The following KLHL1 variants were observed in gnomAD, a reference collection of about 807,000 sequenced individuals.
KLHL1 encodes the protein kelch-like protein 1.
In KLHL1, 47 loss-of-function variants were observed where a neutral mutation model predicts 77.7. That is an observed-to-expected ratio of 0.60 (90% CI 0.48 to 0.77). The LOEUF (loss-of-function observed/expected upper bound fraction) is 0.77, where lower values mean the gene tolerates loss of function less well. KLHL1 is among the 30% of genes least tolerant of loss of function. KLHL1 has a pLI of 0.00. For synonymous variants in KLHL1, 360 were observed against 325.2 expected (o/e 1.11, Z -1.15); for missense variants, 925 against 910.8 (o/e 1.02, Z -0.20).
At chr13:69,863,920 T>C (rs1363222319) in intron 5 of KLHL1, among the ~76,000 whole-genome samples, 3 of 152,046 alleles carry the variant, frequency 2.0e-5, no homozygotes, top group African/African-American at 4.8e-5. Flanking sequence ...AATTGTTTTA[T>C]GTATTGTACA....
chr13:70,050,801 CAT>C (rs1383444159), intron 1 of KLHL1, among the ~76,000 whole-genome samples: 1 of 151,820 alleles, frequency 6.6e-6, no homozygotes, highest in Admixed American at 6.6e-5. Flanking sequence ...TATTATTTGT[CAT>C]ATAATTGTTA....
intron 1 of KLHL1, among the ~76,000 whole-genome samples, chr13:69,992,366 GAACT>G (rs1417240295): frequency 6.6e-6 from 1 of 151,858 alleles, no homozygotes; most frequent in Non-Finnish European, 1.5e-5. Context: ...ATGACCAAAA[GAACT>G]AACTGATAAG....
At chr13:70,062,961 A>G (rs1383901973) in intron 1 of KLHL1, among the ~76,000 whole-genome samples, 1 of 152,100 alleles carries the variant, frequency 6.6e-6, no homozygotes, top group African/African-American at 2.4e-5. Flanking sequence ...CTTAATTAAG[A>G]ATTTTATTTT....
chr13:69,927,046 G>T (rs1049029345), intron 4 of KLHL1, among the ~76,000 whole-genome samples: 4 of 151,202 alleles, frequency 2.6e-5, no homozygotes, highest in Non-Finnish European at 5.9e-5. Flanking sequence ...TGCGGTACTG[G>T]CATAAAGACA....
In KLHL1 at chr13:69,740,374, TAAG is replaced by T. The variant is rs775851725; in HGVS notation, c.1802+17_1802+19del. 2 of 1,515,620 alleles carry T rather than the reference TAAG, an allele frequency of 1.3e-6. No homozygotes were observed. Among genetic ancestry groups the T allele is most frequent in the Admixed American group, 2.0e-5 (1 of 50,536 alleles). 93.9% of individuals were successfully genotyped at this position (1,515,620 alleles called of 1,614,324 possible). A position where few individuals can be genotyped will look rare whatever the true frequency, so the allele number is the denominator to read the frequency against. ...TAACTTTTTTTCTAAGATTAAAAAA[TAAG>T]AAAAAAATTTACTTACTTGCCATTC... is the stretch of plus-strand genomic sequence containing the variant. On this transcript the variant is annotated intron_variant, in intron 8 of 10. Coordinates refer to ENST00000377844, the MANE Select transcript of KLHL1 (RefSeq NM_020866.3).
intron 7 of KLHL1, among the ~76,000 whole-genome samples, chr13:69,748,722 T>A (rs955279633): frequency 9.9e-5 from 15 of 151,940 alleles, no homozygotes; most frequent in African/African-American, 3.6e-4. Context: ...CAGATAACAG[T>A]GCTCGGCAAA....
At chr13:69,836,702 C>T (rs773757641) in intron 6 of KLHL1, among the ~76,000 whole-genome samples, 2 of 151,996 alleles carry the variant, frequency 1.3e-5, no homozygotes, top group African/African-American at 2.4e-5. Flanking sequence ...CAATATCCAT[C>T]ATTCCTTCAA....
intron 7 of KLHL1, among the ~76,000 whole-genome samples, chr13:69,770,658 A>C (rs1875520144): frequency 6.6e-6 from 1 of 152,168 alleles, no homozygotes; most frequent in African/African-American, 2.4e-5. Context: ...TCTATTGTGG[A>C]AATGAACTGA....
intron 1 of KLHL1, among the ~76,000 whole-genome samples, chr13:70,085,868 C>A (rs1887522747): frequency 6.6e-6 from 1 of 152,030 alleles, no homozygotes. Context: ...GTCTCAAAAA[C>A]CACAAACAAA....
intron 5 of KLHL1, among the ~76,000 whole-genome samples, chr13:69,878,711 TAGAGAGAG>T (rs988830315): frequency 3.1e-4 from 44 of 143,598 alleles, no homozygotes; most frequent in South Asian, 1.5e-3. Flanking sequence ...TATATATATA[TAGAGAGAG>T]AGAGAGAGAG....
intron 1 of KLHL1, among the ~76,000 whole-genome samples, chr13:70,094,819 T>C (rs9634967): frequency 0.15 from 23,371 of 152,046 alleles, 2,807 homozygotes; most frequent in African/African-American, 0.33. Context: ...TTTTTCTAAC[T>C]ACCTGTGTTT....
Position 69,911,266 on chromosome 13 carries a change from T to G in KLHL1, c.1015-28771A>C, listed in dbSNP as rs147873018. Among the ~76,000 whole-genome samples, 1,001 of 152,210 alleles carry G rather than the reference T, an allele frequency of 6.6e-3. 11 individuals are homozygous for G. The highest frequency in any genetic ancestry group is 0.023 in the African/African-American group (966 of 41,570). On this transcript the variant is annotated intron_variant, in intron 4 of 10. Coordinates refer to ENST00000377844, the MANE Select transcript of KLHL1 (RefSeq NM_020866.3). ...TACTATTTGAATATAATTTTTAGTA[T>G]GTCTAGTTAAACAGTAATTTCTGCA...
chr13:69,914,301 T>A (rs1882345333), intron 4 of KLHL1, among the ~76,000 whole-genome samples: 1 of 152,200 alleles, frequency 6.6e-6, no homozygotes, highest in Non-Finnish European at 1.5e-5. Context: ...GGAGTTTTAC[T>A]CAACAATAAA....
In KLHL1 at chr13:70,005,504, G is replaced by A. The variant is rs1885384394; in HGVS notation, c.498-29702C>T. ...TTTTTTAGCTCATCAGCTATAATTA[G>A]TGTTTGTGTATTTTATGAGCGGCTC... On this transcript the variant is annotated intron_variant, in intron 1 of 10. Transcript: ENST00000377844. 3.3e-5 allele frequency among the ~76,000 whole-genome samples: 5 copies of A among 151,640 alleles called. No homozygotes were observed. The Admixed American group carries it at 3.3e-4, about 10-fold the overall frequency.
At chr13:70,013,896 C>T (rs1017521807) in intron 1 of KLHL1, among the ~76,000 whole-genome samples, 1 of 152,076 alleles carries the variant, frequency 6.6e-6, no homozygotes, top group African/African-American at 2.4e-5. Flanking sequence ...AGACTCAAAG[C>T]AGTGATTTCT....
At chr13:69,754,802 C>T (rs1232517106) in intron 7 of KLHL1, among the ~76,000 whole-genome samples, 1 of 152,052 alleles carries the variant, frequency 6.6e-6, no homozygotes, top group South Asian at 2.1e-4. Flanking sequence ...TTTCTAAATC[C>T]TTTATCATTT....
chr13:69,990,094 G>C (rs917650948), intron 1 of KLHL1, among the ~76,000 whole-genome samples: 1 of 151,852 alleles, frequency 6.6e-6, no homozygotes, highest in Non-Finnish European at 1.5e-5. Context: ...ATAAGCAAAG[G>C]ATAAATAAGA....
chr13:69,959,306 T>A (rs142139376), intron 3 of KLHL1, among the ~76,000 whole-genome samples: 1 of 152,112 alleles, frequency 6.6e-6, no homozygotes, highest in African/African-American at 2.4e-5. Flanking sequence ...GGTTGTTAGA[T>A]CTCTGTCTTT....
chr13:70,027,724 T>C (rs1206913949), intron 1 of KLHL1, among the ~76,000 whole-genome samples: 3 of 150,982 alleles, frequency 2.0e-5, no homozygotes, highest in African/African-American at 4.9e-5. Flanking sequence ...TTTATGCAGC[T>C]TGCATCCCGT....
Sources: gnomAD v4.1 joint callset for allele counts (sites outside exome capture counted in the v4.1 genomes callset) on GRCh38, gnomAD v4.1.1 for gene constraint, MANE v1.5 for transcripts, NCBI Gene and HGNC (gene_info 2026-07-23, HGNC 2026-07-21) for gene names.